Variants in TBCD observed in about 807,000 individuals in gnomAD.
The protein encoded by TBCD is tubulin-specific chaperone D.
A neutral mutation model predicts 169.3 loss-of-function variants in TBCD; 105 were observed. That is an observed-to-expected ratio of 0.62 (90% CI 0.53 to 0.73). The LOEUF (loss-of-function observed/expected upper bound fraction) is 0.73. Among genes scored for constraint, TBCD ranks in the 30% least tolerant of loss-of-function variants. TBCD has a pLI of 0.00. For synonymous variants in TBCD, 700 were observed against 643.9 expected, an observed-to-expected ratio of 1.09 and a Z score of -1.32; for missense variants, 1,444 against 1,600.1, an observed-to-expected ratio of 0.90 and a Z score of 1.66.
intron 23 of TBCD, chr17:82,918,650 C>T (rs1055038752): frequency 2.0e-5 from 3 of 152,060 alleles, no homozygotes; most frequent in Admixed American, 1.3e-4. Flanking sequence ...TCCCGTGTGC[C>T]GTTTCGTGAG....
chr17:82,791,817 C>T (rs1202993603), intron 7 of TBCD, among the ~76,000 whole-genome samples: 1 of 152,130 alleles, frequency 6.6e-6, no homozygotes, highest in African/African-American at 2.4e-5. Context: ...CGTGTGAACA[C>T]CGTAGCGTGC....
chr17:82,789,859 C>G lies in TBCD; in HGVS notation c.772-7898C>G, dbSNP rs911988306. Among the ~76,000 whole-genome samples the G allele has an allele frequency of 6.6e-6, 1 of 152,214 alleles. No individual in the cohort carries two copies. The highest frequency in any genetic ancestry group is 2.4e-5 in the African/African-American group (1 of 41,448). ...GTCACACCTGTTGTACCATCACTTT[C>G]CCCTCCTGGCCTGTTTACCCGGGAG... On this transcript the variant is annotated intron_variant, in intron 7 of 38. Coordinates refer to ENST00000355528, the MANE Select transcript of TBCD (RefSeq NM_005993.5). The surrounding 1 kb of genome is among the most constrained non-coding windows in gnomAD (Gnocchi z 4.8).
At chr17:82,843,664 A>G (rs114598093) in intron 13 of TBCD, among the ~76,000 whole-genome samples, 1,527 of 149,480 alleles carry the variant, frequency 0.01, 33 homozygotes, top group African/African-American at 0.035. Context: ...ATTTCAGGTC[A>G]GTTGCAGACA....
chr17:82,855,276 T>G (rs1480971874), intron 13 of TBCD, among the ~76,000 whole-genome samples: 1 of 114,986 alleles, frequency 8.7e-6, no homozygotes, highest in Non-Finnish European at 1.7e-5. Context: ...TTTTTTAATT[T>G]TTTAGAGCCA....
chr17:82,801,569 T>C (rs2050532392), intron 9 of TBCD, among the ~76,000 whole-genome samples: 1 of 126,374 alleles, frequency 7.9e-6, no homozygotes, highest in Non-Finnish European at 1.6e-5. Context: ...GGCTGGCGTG[T>C]GCGTCGTGTG....
At chr17:82,844,206 C>CGTGTGTGTGTGTGTGTGTGTGTGTGT (rs769300875) in intron 13 of TBCD, among the ~76,000 whole-genome samples, 1,665 of 127,440 alleles carry the variant, frequency 0.013, 79 homozygotes, top group East Asian at 0.07. Flanking sequence ...GGATGTTCTC[C>CGTGTGTGTGTGTGTGTGTGTGTGTGT]GTGTGTGTGT....
chr17:82,757,878 G>C (rs2047486373), intron 2 of TBCD, among the ~76,000 whole-genome samples: 1 of 152,118 alleles, frequency 6.6e-6, no homozygotes, highest in Non-Finnish European at 1.5e-5. Flanking sequence ...TGGAGTTCCT[G>C]TGTGTGAGCG....
intron 33 of TBCD, among the ~76,000 whole-genome samples, chr17:82,931,498 G>A (rs565347798): frequency 2.6e-5 from 4 of 152,154 alleles, no homozygotes; most frequent in Middle Eastern, 3.4e-3. Context: ...TCATTCCTCC[G>A]TGCCGGTCGC....
intron 6 of TBCD, among the ~76,000 whole-genome samples, chr17:82,779,396 C>T (rs1431859407): frequency 6.6e-6 from 1 of 152,144 alleles, no homozygotes; most frequent in South Asian, 2.1e-4. Flanking sequence ...GCTGGGATTA[C>T]AGGGGTGAGC....
At chr17:82,753,224 G>C (rs1348550483) in intron 1 of TBCD, among the ~76,000 whole-genome samples, 1 of 152,122 alleles carries the variant, frequency 6.6e-6, no homozygotes, top group Non-Finnish European at 1.5e-5. Flanking sequence ...GGCAGGGTGG[G>C]GGGCCTTGTG....
rs139035851 is a variant in TBCD, at chr17:82,788,110, C to T, written c.771+6389C>T. Among the ~76,000 whole-genome samples, 803 of 152,068 alleles carry T rather than the reference C, an allele frequency of 5.3e-3. 6 individuals are homozygous for T. Among genetic ancestry groups the T allele is most frequent in the African/African-American group, 0.018 (753 of 41,466 alleles). ...AAAATTAGTTGGGCATGGTGGTGCG[C>T]GCCTGTAATCCCAGCTACTTGGGAG... On this transcript the variant is annotated intron_variant, in intron 7 of 38. Coordinates refer to ENST00000355528, the MANE Select transcript of TBCD (RefSeq NM_005993.5).
rs1345184341 is a variant in TBCD, at chr17:82,870,377, C to T, written c.1472C>T (p.Ser491Leu). Residue 491 changes from serine (S) to leucine (L), a missense_variant, in exon 14 of 39, where the codon TCG becomes TTG. By Grantham distance (145) the Ser-to-Leu change is moderately radical. Transcript: ENST00000355528. ...QELKPFVTAISSALVIAAVFD... is the reference protein window; with the variant it reads ...QELKPFVTAILSALVIAAVFD... ...CTGAAGCCCTTTGTGACTGCAATCT[C>T]GAGGTAGGCCCATTCGTCGAGGTAC... 1.2e-6 allele frequency: 2 copies of T among 1,611,914 alleles called. No individual in the cohort carries two copies. Among genetic ancestry groups the T allele is most frequent in the Admixed American group, 1.7e-5 (1 of 59,784 alleles).
At chr17:82,798,330 T>G (rs2050260044) in intron 8 of TBCD, among the ~76,000 whole-genome samples, 1 of 152,078 alleles carries the variant, frequency 6.6e-6, no homozygotes, top group Non-Finnish European at 1.5e-5. Context: ...GTATTTTTAG[T>G]AGAGATGGGG....
In TBCD at chr17:82,900,204, C is replaced by G. The variant is rs541828347; in HGVS notation, c.1650-447C>G. ...CTTGTAATTCCCGCCTCGGTCCTCC[C>G]CCACCCTGAGGCCCCTGATCTGCCT... On this transcript the variant is annotated intron_variant, in intron 17 of 38. Coordinates refer to ENST00000355528, the MANE Select transcript of TBCD (RefSeq NM_005993.5). 2.8e-4 allele frequency among the ~76,000 whole-genome samples: 42 copies of G among 152,332 alleles called. No individual in the cohort carries two copies. In the South Asian group the frequency reaches 6.4e-3, roughly 23 times the overall value.
At chr17:82,866,702 A>AGAGGCC (rs1048848396) in intron 13 of TBCD, among the ~76,000 whole-genome samples, 50 of 152,344 alleles carry the variant, frequency 3.3e-4, no homozygotes, top group African/African-American at 1.2e-3. Context: ...CAGAGGCCCC[A>AGAGGCC]GAGGCCCCAG....
intron 13 of TBCD, among the ~76,000 whole-genome samples, chr17:82,819,938 A>C (rs2052268302): frequency 6.6e-6 from 1 of 151,454 alleles, no homozygotes; most frequent in African/African-American, 2.4e-5. Flanking sequence ...TGGATACAAG[A>C]AGCACAGGTG....
intron 7 of TBCD, among the ~76,000 whole-genome samples, chr17:82,784,317 G>A (rs1298205740): frequency 2.0e-5 from 3 of 152,086 alleles, no homozygotes; most frequent in Admixed American, 6.5e-5. Flanking sequence ...GGCATTTTTG[G>A]GCATTGCAGG....
In TBCD at chr17:82,941,456, C is replaced by G. The variant is rs180720643; in HGVS notation, c.3537C>G (p.Gly1179=). The G allele has an allele frequency of 6.2e-7, 1 of 1,601,976 alleles. No individual in the cohort carries two copies. The highest frequency in any genetic ancestry group is 1.3e-5 in the African/African-American group (1 of 74,790). The part of the protein sequence containing the change: ...EQRNRLCDLL[G]VPRPQLVPQP... Reference sequence around the variant, plus strand: ...GCAACCGTCTGTGTGACCTTCTGGGCGTACCCAGGCCCCAGCTGGTGCCCC... The same window carrying G: ...GCAACCGTCTGTGTGACCTTCTGGGGGTACCCAGGCCCCAGCTGGTGCCCC... The change falls in exon 38 of 39, where the codon GGC becomes GGG. Residue 1179 remains glycine (G), a synonymous_variant. Transcript: ENST00000355528.
Position 82,927,362 on chromosome 17 carries a change from G to A in TBCD, c.2609+39G>A, listed in dbSNP as rs751806392. 15 of 1,599,128 alleles carry A rather than the reference G, an allele frequency of 9.4e-6. No individual in the cohort carries two copies. The Admixed American group carries it at 2.2e-4, about 24-fold the overall frequency. On this transcript the variant is annotated intron_variant, in intron 29 of 38. Coordinates refer to ENST00000355528, the MANE Select transcript of TBCD (RefSeq NM_005993.5). ...AGTGGGTGAGCGCTTCTTCTGAGAAGCCCATCTATTCCGTGGAAACTCGGA... is the reference window on the plus strand; with the variant it reads ...AGTGGGTGAGCGCTTCTTCTGAGAAACCCATCTATTCCGTGGAAACTCGGA...
Sources: gnomAD v4.1 joint callset for allele counts (sites outside exome capture counted in the v4.1 genomes callset) on GRCh38, gnomAD v4.1.1 for gene constraint, Gnocchi (gnomAD v3.1) non-coding constraint, MANE v1.5 for transcripts, NCBI Gene and HGNC (gene_info 2026-07-23, HGNC 2026-07-21) for gene names.